Variants in SNX10 observed in about 807,000 individuals in gnomAD.
The protein encoded by SNX10 is sorting nexin-10.
In SNX10, 25 loss-of-function variants were observed where a neutral mutation model predicts 28.5. That is an observed-to-expected ratio of 0.88 (90% CI 0.64 to 1.22). The LOEUF (loss-of-function observed/expected upper bound fraction) is 1.22, where lower values mean the gene tolerates loss of function less well. SNX10 is among the 50% of genes most tolerant of loss of function. The pLI is 0.00. For synonymous variants in SNX10, 62 were observed against 81.4 expected, an observed-to-expected ratio of 0.76 and a Z score of 1.28; for missense variants, 223 against 242.6, an observed-to-expected ratio of 0.92 and a Z score of 0.54.
In SNX10 at chr7:26,365,051, C is replaced by T; in HGVS notation, c.217C>T (p.Leu73=). The T allele has an allele frequency of 6.3e-7, 1 of 1,597,344 alleles. No homozygotes were observed. Among genetic ancestry groups the T allele is most frequent in the Non-Finnish European group, 8.6e-7 (1 of 1,164,788 alleles). ...RLQSNALLVQ[L]PELPSKNLFF... is the part of the protein sequence containing the mutation. The stretch of plus-strand genomic sequence containing the variant: ...TTGTTTTTTCTTTCTCCTAAGACAA[C>T]TGCCAGAACTTCCATCTAAAAACCT... The change falls in exon 5 of 7, where the codon CTG becomes TTG. Residue 73 remains leucine (L), a synonymous_variant. Transcript: ENST00000338523.
At chr7:26,338,799 A>C (rs1441781074) in intron 1 of SNX10, among the ~76,000 whole-genome samples, 2 of 152,052 alleles carry the variant, frequency 1.3e-5, no homozygotes, top group Admixed American at 1.3e-4. Flanking sequence ...GGGGGGTCAA[A>C]ATGAGGTTTT....
At chr7:26,328,655 A>T (rs1418000037) in intron 1 of SNX10, among the ~76,000 whole-genome samples, 1 of 152,166 alleles carries the variant, frequency 6.6e-6, no homozygotes, top group African/African-American at 2.4e-5. Flanking sequence ...ATGCCTCACC[A>T]CTGAAACTGC....
chr7:26,339,351 C>A (rs1788080887), intron 1 of SNX10, among the ~76,000 whole-genome samples: 1 of 152,138 alleles, frequency 6.6e-6, no homozygotes, highest in Non-Finnish European at 1.5e-5. Flanking sequence ...ACCTCAGCAT[C>A]CCAAAGTGCT....
intron 1 of SNX10, among the ~76,000 whole-genome samples, chr7:26,316,559 A>G (rs1435206122): frequency 1.3e-5 from 2 of 152,242 alleles, no homozygotes; most frequent in Non-Finnish European, 2.9e-5. Context: ...AATAATAATT[A>G]ATGGCAGCAA....
At chr7:26,349,054 G>A (rs568310561) in intron 2 of SNX10, among the ~76,000 whole-genome samples, 1 of 152,338 alleles carries the variant, frequency 6.6e-6, no homozygotes, top group African/African-American at 2.4e-5. Context: ...TTTAGGTCAA[G>A]CCTTTCATAT....
chr7:26,372,735 T>A lies in SNX10; in HGVS notation c.*163T>A. The A allele has an allele frequency of 1.8e-6, 1 of 552,184 alleles. No individual in the cohort carries two copies. Among genetic ancestry groups the A allele is most frequent in the Non-Finnish European group, 3.2e-6 (1 of 310,464 alleles). The allele number at this position is 552,184 out of a possible 1,614,324, so 34.2% of individuals were successfully genotyped here. ...GTTTATTAGTGGTATTTTTATGTTG[T>A]CTTATTTTAGGTAAGCTTCTGTGTA... On this transcript the variant is annotated 3_prime_UTR_variant, in exon 7 of 7. Coordinates refer to ENST00000338523, the MANE Select transcript of SNX10 (RefSeq NM_013322.3).
At chr7:26,310,550 G>T (rs1405644021) in intron 1 of SNX10, among the ~76,000 whole-genome samples, 1 of 152,170 alleles carries the variant, frequency 6.6e-6, no homozygotes, top group East Asian at 1.9e-4. Context: ...CCTCTTTGGG[G>T]AGGTGGCCTT....
chr7:26,322,538 G>T (rs760752934), intron 1 of SNX10, among the ~76,000 whole-genome samples: 1 of 152,174 alleles, frequency 6.6e-6, no homozygotes, highest in African/African-American at 2.4e-5. Flanking sequence ...TTAGGAACCC[G>T]TGTCGTAAGT....
At position 26,358,805 on chromosome 7, in the gene SNX10, G is replaced by GTTTTTTTTTTTTTTTTTTTTTTT. The variant is rs35527687; in HGVS notation, c.25-2151_25-2150insTTTTTTTTTTTTTTTTTTTTTTT. ...GAGCATCACTATAGTGTTATCTTGTGTTTTTTTTTTTTTTTTTTTGACCAA... is the reference window on the plus strand; with the variant it reads ...GAGCATCACTATAGTGTTATCTTGTGTTTTTTTTTTTTTTTTTTTTTTTTTTTTTTTTTTTTTTTTTTGACCAA... On this transcript the variant is annotated intron_variant, in intron 2 of 6. Coordinates refer to ENST00000338523, the MANE Select transcript of SNX10 (RefSeq NM_013322.3). 1.7e-4 allele frequency among the ~76,000 whole-genome samples: 17 copies of GTTTTTTTTTTTTTTTTTTTTTTT among 100,102 alleles called. 2 individuals carry two copies. Among genetic ancestry groups the GTTTTTTTTTTTTTTTTTTTTTTT allele is most frequent in the African/African-American group, 7.1e-4 (16 of 22,684 alleles). 65.7% of individuals were successfully genotyped at this position (100,102 alleles called of 152,430 possible). A position where few individuals can be genotyped will look rare whatever the true frequency, so the allele number is the denominator to read the frequency against.
chr7:26,315,571 G>A (rs1305105738), intron 1 of SNX10, among the ~76,000 whole-genome samples: 2 of 151,968 alleles, frequency 1.3e-5, no homozygotes, highest in Non-Finnish European at 2.9e-5. Context: ...GGGAGGCTGA[G>A]GCAGGAGAAT....
intron 2 of SNX10, among the ~76,000 whole-genome samples, chr7:26,352,386 A>G (rs749981554): frequency 7.0e-4 from 107 of 152,268 alleles, no homozygotes; most frequent in Non-Finnish European, 6.8e-4. Flanking sequence ...AATAGCCACA[A>G]CATTCCACCC....
At chr7:26,328,293 G>T (rs1463511927) in intron 1 of SNX10, among the ~76,000 whole-genome samples, 3 of 152,186 alleles carry the variant, frequency 2.0e-5, no homozygotes, top group Non-Finnish European at 4.4e-5. Flanking sequence ...CCACCGTGTG[G>T]ATGCTGACAT....
chr7:26,357,905 A>G (rs1184192712), intron 2 of SNX10, among the ~76,000 whole-genome samples: 1 of 152,060 alleles, frequency 6.6e-6, no homozygotes, highest in African/African-American at 2.4e-5. Context: ...GGCTGGATCC[A>G]TGGGAGAGGT....
At chr7:26,296,485 C>T (rs970093901) in intron 1 of SNX10, among the ~76,000 whole-genome samples, 5 of 152,110 alleles carry the variant, frequency 3.3e-5, no homozygotes, top group African/African-American at 1.2e-4. Flanking sequence ...CACTATACTC[C>T]AGCCTCGGTG....
intron 1 of SNX10, among the ~76,000 whole-genome samples, chr7:26,339,275 G>C (rs1788076616): frequency 6.6e-6 from 1 of 152,100 alleles, no homozygotes; most frequent in African/African-American, 2.4e-5. Flanking sequence ...ATTTTGCAAA[G>C]GCGGTTTCAG....
intron 5 of SNX10, among the ~76,000 whole-genome samples, chr7:26,368,052 C>A (rs1789366919): frequency 6.6e-6 from 1 of 152,086 alleles, no homozygotes; most frequent in Non-Finnish European, 1.5e-5. Context: ...AAGTACTGAT[C>A]TTTGTAGAGG....
chr7:26,353,460 T>TGGAG (rs371699790), intron 2 of SNX10, among the ~76,000 whole-genome samples: 3 of 83,434 alleles, frequency 3.6e-5, no homozygotes, highest in Non-Finnish European at 7.3e-5. Flanking sequence ...TTTTTTTTTT[T>TGGAG]GGTGGGGAGA....
chr7:26,310,106 C>T (rs975029237), intron 1 of SNX10, among the ~76,000 whole-genome samples: 19 of 152,320 alleles, frequency 1.2e-4, no homozygotes, highest in African/African-American at 4.6e-4. Context: ...CTTCACTCTG[C>T]GTTGTTGCTG....
chr7:26,345,014 C>T (rs964551758), intron 1 of SNX10, among the ~76,000 whole-genome samples: 5 of 152,222 alleles, frequency 3.3e-5, no homozygotes, highest in African/African-American at 4.8e-5. Flanking sequence ...ATCCCTCCCC[C>T]TCCTCCGTCT....
Sources: allele counts gnomAD v4.1 joint callset (sites outside exome capture counted in the v4.1 genomes callset), GRCh38; gene constraint gnomAD v4.1.1; transcripts MANE v1.5; gene names NCBI Gene and HGNC (gene_info 2026-07-23, HGNC 2026-07-21).